TRABD2A: variants seen among roughly 807,000 people sequenced by gnomAD.
TRABD2A encodes the protein metalloprotease TIKI1.
In TRABD2A, 43 loss-of-function variants were observed where a neutral mutation model predicts 45.6. The observed-to-expected ratio is 0.94, with a 90% confidence interval of 0.74 to 1.22. The LOEUF (loss-of-function observed/expected upper bound fraction) is 1.22. Among genes scored for constraint, TRABD2A ranks in the 50% most tolerant of loss-of-function variants. The pLI is 0.00. For missense variants in TRABD2A, 642 were observed against 652.4 expected, an observed-to-expected ratio of 0.98 and a Z score of 0.17; for synonymous variants, 269 against 265.0, an observed-to-expected ratio of 1.02 and a Z score of -0.15.
intron 5 of TRABD2A, among the ~76,000 whole-genome samples, chr2:84,831,436 T>G (rs930008496): frequency 1.3e-5 from 2 of 151,938 alleles, no homozygotes; most frequent in African/African-American, 4.8e-5. Context: ...GGACGACCAG[T>G]TGGGAGGCCA....
At chr2:84,850,214 G>GA (rs543808158) in intron 2 of TRABD2A, among the ~76,000 whole-genome samples, 3 of 152,052 alleles carry the variant, frequency 2.0e-5, no homozygotes, top group Admixed American at 6.5e-5. Context: ...AATCCCCTGG[G>GA]AAAAAAAGGA....
chr2:84,846,260 A>C (rs183418396), intron 2 of TRABD2A, among the ~76,000 whole-genome samples: 70 of 152,310 alleles, frequency 4.6e-4, no homozygotes, highest in Admixed American at 1.6e-3. Context: ...TTAAATCTCT[A>C]GCATGATTTC....
At chr2:84,822,232 A>G in intron 6 of TRABD2A, 132 bp from the exon 7 acceptor site, 1 of 705,702 alleles carries the variant, frequency 1.4e-6, no homozygotes, top group Non-Finnish European at 2.1e-6. Context: ...TAGTATATTA[A>G]TAGGCTTCCT....
At chr2:84,842,478 T>C (rs1034161872) in intron 2 of TRABD2A, among the ~76,000 whole-genome samples, 1 of 152,110 alleles carries the variant, frequency 6.6e-6, no homozygotes, top group African/African-American at 2.4e-5. Context: ...CCATGGGATA[T>C]TAAGGGAAGT....
intron 6 of TRABD2A, 126 bp downstream of exon 6, chr2:84,823,827 G>A: frequency 1.5e-6 from 2 of 1,335,956 alleles, no homozygotes; most frequent in Middle Eastern, 5.3e-4. Flanking sequence ...GGTGCCTGGG[G>A]TCATGAGGAA....
At chr2:84,825,593 C>G (rs959949258) in intron 5 of TRABD2A, among the ~76,000 whole-genome samples, 1 of 152,156 alleles carries the variant, frequency 6.6e-6, no homozygotes, top group Non-Finnish European at 1.5e-5. Context: ...TTAAATGAAC[C>G]CTTTCATTGT....
intron 2 of TRABD2A, among the ~76,000 whole-genome samples, chr2:84,853,019 G>A (rs538267767): frequency 1.3e-5 from 2 of 152,134 alleles, no homozygotes; most frequent in East Asian, 3.9e-4. Context: ...CAAAAGATAT[G>A]TTCATCCTAA....
At chr2:84,862,473 T>C (rs1315327503) in intron 2 of TRABD2A, among the ~76,000 whole-genome samples, 1 of 152,130 alleles carries the variant, frequency 6.6e-6, no homozygotes, top group East Asian at 1.9e-4. Context: ...GAAACTAGGC[T>C]GCACTTCCCT....
intron 2 of TRABD2A, chr2:84,851,159 G>A (rs1296929697): frequency 6.6e-6 from 1 of 152,268 alleles, no homozygotes; most frequent in Admixed American, 6.5e-5. Flanking sequence ...GAGGCCACTA[G>A]TGGAGGGTCC....
In TRABD2A at chr2:84,827,702, C is replaced by T. The variant is rs537524659; in HGVS notation, c.1083-3498G>A. ...AGGACCTTAAGTTGAGGAGAGTAGC[C>T]CAGGTTATCCAGGGGTGCCCAATCC... On this transcript the variant is annotated intron_variant, in intron 5 of 6. Coordinates refer to ENST00000409520, the MANE Select transcript of TRABD2A (RefSeq NM_001277053.2). Among the ~76,000 whole-genome samples the T allele has an allele frequency of 3.9e-5, 6 of 152,232 alleles. No homozygotes were observed. In the East Asian group the frequency reaches 1.2e-3, roughly 29 times the overall value.
chr2:84,847,181 G>A (rs560150435), intron 2 of TRABD2A, among the ~76,000 whole-genome samples: 1 of 152,344 alleles, frequency 6.6e-6, no homozygotes, highest in African/African-American at 2.4e-5. Context: ...CACCACAGGA[G>A]CAATGCACAA....
chr2:84,876,877 C>T (rs564395561), intron 1 of TRABD2A, among the ~76,000 whole-genome samples: 32 of 152,294 alleles, frequency 2.1e-4, no homozygotes, highest in African/African-American at 6.7e-4. Context: ...TTTCTCTTTT[C>T]AAGTTAACAC....
chr2:84,824,807 C>G (rs986550112), intron 5 of TRABD2A, among the ~76,000 whole-genome samples: 1 of 152,194 alleles, frequency 6.6e-6, no homozygotes, highest in African/African-American at 2.4e-5. Context: ...TCTGAACCCT[C>G]ATGAGGGCTT....
chr2:84,832,385 T>G, intron 4 of TRABD2A: 1 of 519,020 alleles, frequency 1.9e-6, no homozygotes, highest in East Asian at 3.1e-5. Context: ...TGCAGCAAGT[T>G]ACCTGAAGTC....
At chr2:84,860,425 A>G (rs1682459405) in intron 2 of TRABD2A, among the ~76,000 whole-genome samples, 1 of 152,194 alleles carries the variant, frequency 6.6e-6, no homozygotes, top group Non-Finnish European at 1.5e-5. Context: ...GAAGGAGAAG[A>G]CAGCCATGTG....
chr2:84,846,326 C>A (rs1397500060), intron 2 of TRABD2A, among the ~76,000 whole-genome samples: 1 of 152,176 alleles, frequency 6.6e-6, no homozygotes, highest in African/African-American at 2.4e-5. Flanking sequence ...CAAATAACAA[C>A]CCAGGGGAAG....
At chr2:84,860,595 C>T (rs1682464586) in intron 2 of TRABD2A, among the ~76,000 whole-genome samples, 1 of 152,244 alleles carries the variant, frequency 6.6e-6, no homozygotes, top group South Asian at 2.1e-4. Flanking sequence ...AATACAAACC[C>T]TCATGTCCAC....
intron 1 of TRABD2A, among the ~76,000 whole-genome samples, chr2:84,873,409 G>A (rs1682930884): frequency 6.6e-6 from 1 of 151,984 alleles, no homozygotes; most frequent in South Asian, 2.1e-4. Context: ...AACAGAGCAA[G>A]ATGCTGTCTC....
At chr2:84,863,454 G>A (rs950094531) in intron 2 of TRABD2A, among the ~76,000 whole-genome samples, 4 of 150,242 alleles carry the variant, frequency 2.7e-5, no homozygotes, top group Non-Finnish European at 5.9e-5. Flanking sequence ...CCATGGTCTC[G>A]ATTTCCTGAC....
Sources: gnomAD v4.1 joint callset for allele counts (sites outside exome capture counted in the v4.1 genomes callset) on GRCh38, gnomAD v4.1.1 for gene constraint, MANE v1.5 for transcripts, NCBI Gene and HGNC (gene_info 2026-07-23, HGNC 2026-07-21) for gene names.